RBMS3: variants seen among roughly 807,000 people sequenced by gnomAD.
RBMS3 encodes the protein RNA-binding motif, single-stranded-interacting protein 3.
RBMS3 carries 27 observed loss-of-function variants against 66.8 expected under a neutral mutation model. That is an observed-to-expected ratio of 0.40 (90% CI 0.30 to 0.56). The LOEUF (loss-of-function observed/expected upper bound fraction) is 0.56, where lower values mean the gene tolerates loss of function less well. Ranked by LOEUF, RBMS3 falls within the 20% of genes least tolerant of loss-of-function variation. The pLI is 0.40. For synonymous variants in RBMS3, 188 were observed against 183.0 expected (o/e 1.03, Z -0.22); for missense variants, 513 against 549.5 (o/e 0.93, Z 0.66).
At chr3:29,545,633 A>G (rs945210682) in intron 3 of RBMS3, among the ~76,000 whole-genome samples, 7 of 152,232 alleles carry the variant, frequency 4.6e-5, no homozygotes, top group Non-Finnish European at 1.0e-4. Flanking sequence ...TGTATTTAAC[A>G]TTACAATTTA....
intron 4 of RBMS3, among the ~76,000 whole-genome samples, chr3:29,702,370 CTCTCTGTTAAACAGACCAATCAGG>C (rs1427993324): frequency 1.2e-4 from 18 of 152,164 alleles, no homozygotes; most frequent in Non-Finnish European, 1.9e-4. Context: ...GACCAATCAG[CTCTCTGTTAAACAGACCAATCAGG>C]TCTCTGTAAA....
chr3:29,846,275 G>A (rs1194117281), intron 6 of RBMS3, among the ~76,000 whole-genome samples: 4 of 152,008 alleles, frequency 2.6e-5, no homozygotes, highest in Admixed American at 2.6e-4. Context: ...TTTGGTGGGG[G>A]GATATGGATA....
intron 4 of RBMS3, among the ~76,000 whole-genome samples, chr3:29,700,507 C>A (rs2052515178): frequency 6.6e-6 from 1 of 152,066 alleles, no homozygotes; most frequent in South Asian, 2.1e-4. Flanking sequence ...CTGGCTGGCT[C>A]TAGGAATCCA....
intron 3 of RBMS3, among the ~76,000 whole-genome samples, chr3:29,555,324 GA>G (rs2046319241): frequency 6.6e-6 from 1 of 152,152 alleles, no homozygotes; most frequent in South Asian, 2.1e-4. Flanking sequence ...ACATTTCGCA[GA>G]AGAGATTATA....
At chr3:29,715,475 C>A (rs1416733087) in intron 4 of RBMS3, among the ~76,000 whole-genome samples, 1 of 152,090 alleles carries the variant, frequency 6.6e-6, no homozygotes, top group Non-Finnish European at 1.5e-5. Context: ...AAATTTCCGC[C>A]TTCAATTTAA....
intron 4 of RBMS3, among the ~76,000 whole-genome samples, chr3:29,642,198 C>T (rs1285447753): frequency 6.6e-6 from 1 of 152,006 alleles, no homozygotes; most frequent in Non-Finnish European, 1.5e-5. Flanking sequence ...AATGAACTAG[C>T]CCAAGAGTTT....
Position 29,363,279 on chromosome 3 carries a change from G to T in RBMS3, c.76-71464G>T, listed in dbSNP as rs1050331161. On this transcript the variant is annotated intron_variant, in intron 1 of 14. Transcript: ENST00000383767. ...GCCTGGGAAGAATTGAAACTAGATTGTTCCTTATTTTTGTTTGTCTACTTT... is the reference window on the plus strand; with the variant it reads ...GCCTGGGAAGAATTGAAACTAGATTTTTCCTTATTTTTGTTTGTCTACTTT... Among the ~76,000 whole-genome samples, 6 of 152,096 alleles carry T rather than the reference G, an allele frequency of 3.9e-5. No individual in the cohort carries two copies. The East Asian group carries it at 1.2e-3, about 29-fold the overall frequency.
intron 1 of RBMS3, among the ~76,000 whole-genome samples, chr3:29,347,946 C>T (rs1411054598): frequency 6.6e-6 from 1 of 152,144 alleles, no homozygotes; most frequent in Non-Finnish European, 1.5e-5. Context: ...TGGCTATATA[C>T]ATGAAGTGCT....
chr3:29,360,905 T>C (rs2037544140), intron 1 of RBMS3, among the ~76,000 whole-genome samples: 1 of 151,978 alleles, frequency 6.6e-6, no homozygotes, highest in South Asian at 2.1e-4. Context: ...GCTTAGTGGA[T>C]CTTCCCCCAT....
intron 3 of RBMS3, among the ~76,000 whole-genome samples, chr3:29,540,078 G>A (rs541376783): frequency 3.0e-4 from 45 of 152,082 alleles, no homozygotes; most frequent in African/African-American, 1.1e-3. Flanking sequence ...AACCCCTAAA[G>A]CATTTTAAAT....
intron 1 of RBMS3, among the ~76,000 whole-genome samples, chr3:29,367,213 A>C (rs1013591975): frequency 6.6e-6 from 1 of 152,188 alleles, no homozygotes; most frequent in African/African-American, 2.4e-5. Flanking sequence ...CATTCATTTC[A>C]TCATTAATTG....
intron 4 of RBMS3, among the ~76,000 whole-genome samples, chr3:29,639,527 G>C (rs1432812345): frequency 6.6e-6 from 1 of 150,976 alleles, no homozygotes; most frequent in Non-Finnish European, 1.5e-5. Context: ...ATGAGAAAAT[G>C]TTCACTGTAA....
At position 29,437,478 on chromosome 3, in the gene RBMS3, C is replaced by G. The variant is rs576815256; in HGVS notation, c.248+2563C>G. ...CATTTGATAAAGAATATTAAGTGAA[C>G]AGAGGATAATAGTTACTTGTTCATA... On this transcript the variant is annotated intron_variant, in intron 2 of 14. Coordinates refer to ENST00000383767, the MANE Select transcript of RBMS3 (RefSeq NM_001003793.3). Among the ~76,000 whole-genome samples the G allele has an allele frequency of 2.0e-5, 3 of 152,322 alleles. No individual in the cohort carries two copies. The South Asian group carries it at 6.2e-4, about 32-fold the overall frequency.
At chr3:29,700,279 A>G (rs1055835085) in intron 4 of RBMS3, among the ~76,000 whole-genome samples, 2 of 152,212 alleles carry the variant, frequency 1.3e-5, no homozygotes, top group Non-Finnish European at 2.9e-5. Flanking sequence ...CTAGAGAGTA[A>G]TAATTTATTA....
intron 5 of RBMS3, among the ~76,000 whole-genome samples, chr3:29,741,370 T>C (rs1400974154): frequency 6.6e-6 from 1 of 152,226 alleles, no homozygotes; most frequent in African/African-American, 2.4e-5. Flanking sequence ...ATGACACTAC[T>C]TGGATCTCTG....
intron 4 of RBMS3, among the ~76,000 whole-genome samples, chr3:29,738,387 T>G (rs1473844650): frequency 7.9e-5 from 12 of 152,216 alleles, no homozygotes; most frequent in Middle Eastern, 3.2e-3. Context: ...CTGGTACATT[T>G]TGATATTAAT....
chr3:29,674,791 A>G (rs1273891362), intron 4 of RBMS3, among the ~76,000 whole-genome samples: 3 of 151,730 alleles, frequency 2.0e-5, no homozygotes, highest in Admixed American at 6.6e-5. Context: ...ATGCTCATGG[A>G]TAGGAAGAAT....
chr3:29,567,780 T>A (rs1372231149), intron 3 of RBMS3, among the ~76,000 whole-genome samples: 1 of 152,178 alleles, frequency 6.6e-6, no homozygotes, highest in Non-Finnish European at 1.5e-5. Flanking sequence ...ACTGGCCGAT[T>A]ACCTAGAATA....
At chr3:29,590,207 T>C (rs1019626384) in intron 4 of RBMS3, among the ~76,000 whole-genome samples, 2 of 152,086 alleles carry the variant, frequency 1.3e-5, no homozygotes, top group Non-Finnish European at 2.9e-5. Context: ...CCTTGAATCC[T>C]GGCTCTGGTA....
Sources: allele counts gnomAD v4.1 joint callset (sites outside exome capture counted in the v4.1 genomes callset), GRCh38; gene constraint gnomAD v4.1.1; transcripts MANE v1.5; gene names NCBI Gene and HGNC (gene_info 2026-07-23, HGNC 2026-07-21).